NIBAN1: variants seen among roughly 807,000 people sequenced by gnomAD.
NIBAN1 encodes protein Niban 1.
NIBAN1 carries 81 observed loss-of-function variants against 75.1 expected under a neutral mutation model. The observed-to-expected ratio is 1.08, with a 90% CI of 0.90 to 1.30. The LOEUF is 1.30. NIBAN1 is among the 50% of genes most tolerant of loss of function. The probability of loss-of-function intolerance (pLI) is 0.00; values close to 1 mark genes in which losing one functional copy is unlikely to be tolerated. For missense variants in NIBAN1, 1,133 were observed against 1,128.1 expected (o/e 1.00, Z -0.06); for synonymous variants, 436 against 424.8 (o/e 1.03, Z -0.32).
At chr1:184,864,329 T>G (rs576360135) in intron 5 of NIBAN1, among the ~76,000 whole-genome samples, 14 of 128,202 alleles carry the variant, frequency 1.1e-4, no homozygotes, top group African/African-American at 3.4e-4. Flanking sequence ...GCAATCATAC[T>G]TCTGACAAAC....
At chr1:184,937,887 C>T (rs1571588698) in intron 1 of NIBAN1, among the ~76,000 whole-genome samples, 1 of 152,170 alleles carries the variant, frequency 6.6e-6, no homozygotes, top group African/African-American at 2.4e-5. Flanking sequence ...GCAGCTGACC[C>T]ACTGCAGGTG....
intron 1 of NIBAN1, among the ~76,000 whole-genome samples, chr1:184,917,420 G>A (rs1412220308): frequency 7.4e-6 from 1 of 135,954 alleles, no homozygotes; most frequent in Non-Finnish European, 1.5e-5. Flanking sequence ...CACCATGTTA[G>A]CCAGGAAGGT....
At chr1:184,803,515 A>G (rs1435976820) in intron 12 of NIBAN1, 70 bp downstream of exon 12, 5 of 1,247,338 alleles carry the variant, frequency 4.0e-6, no homozygotes, top group Non-Finnish European at 5.8e-6. Flanking sequence ...GCCAGTACAC[A>G]TCACAAAAGA....
chr1:184,907,040 C>T (rs983871794), intron 1 of NIBAN1, among the ~76,000 whole-genome samples: 13 of 152,116 alleles, frequency 8.5e-5, no homozygotes, highest in African/African-American at 2.9e-4. Context: ...TATGTAGCTT[C>T]CTATTTCAAT....
At chr1:184,934,358 A>T (rs756832856) in intron 1 of NIBAN1, among the ~76,000 whole-genome samples, 14 of 152,216 alleles carry the variant, frequency 9.2e-5, no homozygotes, top group Non-Finnish European at 1.6e-4. Context: ...TAAAAAAACT[A>T]TTGGATACTA....
intron 1 of NIBAN1, among the ~76,000 whole-genome samples, chr1:184,918,665 C>T (rs533823921): frequency 5.3e-5 from 8 of 152,322 alleles, no homozygotes; most frequent in African/African-American, 1.2e-4. Flanking sequence ...CCTTACCTAA[C>T]GCCTTGGTCA....
chr1:184,888,376 G>A (rs983574031), intron 4 of NIBAN1, among the ~76,000 whole-genome samples: 4 of 152,120 alleles, frequency 2.6e-5, no homozygotes, highest in African/African-American at 9.7e-5. Context: ...CTCCAAGAAT[G>A]TCATAATTTT....
intron 1 of NIBAN1, among the ~76,000 whole-genome samples, chr1:184,940,382 A>G (rs1464489707): frequency 1.3e-5 from 2 of 152,126 alleles, no homozygotes; most frequent in South Asian, 2.1e-4. Context: ...AATTCCTCCA[A>G]ATTACTTTAG....
chr1:184,824,652 T>C (rs1654796434), intron 6 of NIBAN1, among the ~76,000 whole-genome samples: 1 of 152,256 alleles, frequency 6.6e-6, no homozygotes, highest in East Asian at 1.9e-4. Flanking sequence ...GCGTTTTTGA[T>C]AACTGTGTAC....
At chr1:184,801,215 A>G (rs1173338786) in intron 12 of NIBAN1, among the ~76,000 whole-genome samples, 1 of 151,988 alleles carries the variant, frequency 6.6e-6, no homozygotes, top group Non-Finnish European at 1.5e-5. Context: ...ACCTCAGACA[A>G]CTCTCAGTGC....
chr1:184,870,357 G>A (rs1656073747), intron 5 of NIBAN1, among the ~76,000 whole-genome samples: 1 of 152,102 alleles, frequency 6.6e-6, no homozygotes. Context: ...ATAACACGTA[G>A]GATATAATTT....
At chr1:184,840,049 T>C (rs533476021) in intron 5 of NIBAN1, among the ~76,000 whole-genome samples, 5 of 152,344 alleles carry the variant, frequency 3.3e-5, no homozygotes, top group African/African-American at 9.6e-5. Context: ...TAGGGTGTGA[T>C]ATGGCATTAC....
At chr1:184,828,846 C>T (rs1413626126) in intron 6 of NIBAN1, among the ~76,000 whole-genome samples, 1 of 151,660 alleles carries the variant, frequency 6.6e-6, no homozygotes, top group Non-Finnish European at 1.5e-5. Flanking sequence ...CTCTGTTGCC[C>T]AGTGTAGTGG....
At chr1:184,920,304 A>G (rs905827636) in intron 1 of NIBAN1, among the ~76,000 whole-genome samples, 2 of 152,226 alleles carry the variant, frequency 1.3e-5, no homozygotes, top group African/African-American at 4.8e-5. Flanking sequence ...ACAGAGTGTG[A>G]TATTTTGATA....
intron 10 of NIBAN1, 107 bp downstream of exon 10, chr1:184,807,967 G>A (rs338565): frequency 0.23 from 298,228 of 1,290,532 alleles, 39,958 homozygotes; most frequent in East Asian, 0.48. Context: ...CTAAAGAGAC[G>A]CGACGTATTT....
chr1:184,832,516 A>G (rs1402844412), intron 5 of NIBAN1, among the ~76,000 whole-genome samples: 1 of 152,220 alleles, frequency 6.6e-6, no homozygotes, highest in Non-Finnish European at 1.5e-5. Flanking sequence ...AGACCTCACA[A>G]AAACCCTCGA....
chr1:184,877,538 G>T lies in NIBAN1; in HGVS notation c.601+7095C>A, dbSNP rs75481890. On this transcript the variant is annotated intron_variant, in intron 5 of 13. Coordinates refer to ENST00000367511, the MANE Select transcript of NIBAN1 (RefSeq NM_052966.4). ...ATAGCTCCAAGCATGATTCCCTCCC[G>T]TATCACGTTCTCTAAGCTTGTTCAT... Among the ~76,000 whole-genome samples the T allele has an allele frequency of 4.7e-3, 710 of 152,134 alleles. 14 individuals carry two copies. The East Asian group carries it at 0.074, about 16-fold the overall frequency.
chr1:184,806,657 G>A (rs936200259), intron 10 of NIBAN1, among the ~76,000 whole-genome samples: 1 of 151,472 alleles, frequency 6.6e-6, no homozygotes, highest in Non-Finnish European at 1.5e-5. Context: ...CAACTCAAGG[G>A]TTAGTTAGCT....
chr1:184,949,402 TA>T (rs1658306707), intron 1 of NIBAN1, among the ~76,000 whole-genome samples: 1 of 152,192 alleles, frequency 6.6e-6, no homozygotes, highest in Non-Finnish European at 1.5e-5. Context: ...ATTGTTCAAA[TA>T]AACTGGCTTA....
Sources: allele counts gnomAD v4.1 joint callset (sites outside exome capture counted in the v4.1 genomes callset), GRCh38; gene constraint gnomAD v4.1.1; transcripts MANE v1.5; gene names NCBI Gene and HGNC (gene_info 2026-07-23, HGNC 2026-07-21).